Variants in VAV3 observed in about 807,000 individuals in gnomAD.
VAV3 encodes guanine nucleotide exchange factor VAV3.
Under a neutral mutation model 131.2 loss-of-function variants are expected in VAV3, and 94 were observed. That is an observed-to-expected ratio of 0.72 (90% confidence interval 0.61 to 0.85). The LOEUF is 0.85. VAV3 is among the 40% of genes least tolerant of loss of function. The pLI is 0.00. For synonymous variants in VAV3, 349 were observed against 342.0 expected (o/e 1.02, Z -0.22); for missense variants, 939 against 1,002.7 (o/e 0.94, Z 0.86).
At chr1:107,746,910 C>T (rs1182990119) in intron 15 of VAV3, among the ~76,000 whole-genome samples, 3 of 150,230 alleles carry the variant, frequency 2.0e-5, no homozygotes, top group African/African-American at 4.9e-5. Context: ...GACGGAGTCT[C>T]AGTCTAGTAC....
rs145827868 is a variant in VAV3 at position 107,624,015 on chromosome 1, A to G, written c.1915-6383T>C. On this transcript the variant is annotated intron_variant, in intron 20 of 26. Coordinates refer to ENST00000370056, the MANE Select transcript of VAV3 (RefSeq NM_006113.5). ...TAATTGCATCGAGTCATCAAAATAC[A>G]TGACAAAGGCTTCAATTATAGTTGA... Among the ~76,000 whole-genome samples, 147 of 152,326 alleles carry G rather than the reference A, an allele frequency of 9.7e-4. 1 individual carries two copies. Among genetic ancestry groups the G allele is most frequent in the African/African-American group, 3.4e-3 (143 of 41,580 alleles).
chr1:107,828,634 C>CCT (rs1054613859), intron 2 of VAV3, among the ~76,000 whole-genome samples: 4 of 152,180 alleles, frequency 2.6e-5, no homozygotes, highest in Non-Finnish European at 4.4e-5. Context: ...GACACATAGC[C>CCT]CTCTTCCTCC....
intron 15 of VAV3, among the ~76,000 whole-genome samples, chr1:107,732,273 G>A (rs765474375): frequency 3.9e-5 from 6 of 152,158 alleles, no homozygotes; most frequent in Non-Finnish European, 7.3e-5. Flanking sequence ...GAACAGCTCC[G>A]GTCTGCAGCT....
chr1:107,662,936 C>T (rs1279914166), intron 19 of VAV3, among the ~76,000 whole-genome samples: 3 of 152,292 alleles, frequency 2.0e-5, no homozygotes, highest in South Asian at 2.1e-4. Context: ...ACCTGCACAT[C>T]GACTTCTCGG....
At chr1:107,662,346 A>G (rs1308410139) in intron 19 of VAV3, among the ~76,000 whole-genome samples, 1 of 152,194 alleles carries the variant, frequency 6.6e-6, no homozygotes, top group Non-Finnish European at 1.5e-5. Flanking sequence ...TGCACAAAAG[A>G]ATACTGTCTC....
intron 2 of VAV3, among the ~76,000 whole-genome samples, chr1:107,801,918 T>A (rs1257807357): frequency 1.3e-5 from 2 of 152,136 alleles, no homozygotes; most frequent in African/African-American, 4.8e-5. Flanking sequence ...CCTCTTCAAT[T>A]TCTTTCGTCA....
At chr1:107,591,885 A>T (rs1296837492) in intron 25 of VAV3, among the ~76,000 whole-genome samples, 2 of 152,182 alleles carry the variant, frequency 1.3e-5, no homozygotes, top group African/African-American at 2.4e-5. Context: ...ATATAACCAC[A>T]GTACAATTAT....
chr1:107,818,703 A>T (rs2102352509), intron 2 of VAV3, among the ~76,000 whole-genome samples: 1 of 152,344 alleles, frequency 6.6e-6, no homozygotes, highest in African/African-American at 2.4e-5. Flanking sequence ...GGTATAAATA[A>T]TGTTTAAGAC....
chr1:107,912,958 A>G (rs567525968), intron 1 of VAV3, among the ~76,000 whole-genome samples: 2 of 152,340 alleles, frequency 1.3e-5, no homozygotes, highest in South Asian at 4.1e-4. Flanking sequence ...GGAAGTCAAC[A>G]TGCCTATTTC....
At chr1:107,640,495 T>C (rs575319596) in intron 20 of VAV3, among the ~76,000 whole-genome samples, 2 of 152,214 alleles carry the variant, frequency 1.3e-5, no homozygotes, top group African/African-American at 4.8e-5. Context: ...AGGAGCATGA[T>C]GGAGGGATTA....
At chr1:107,953,271 T>C (rs936982055) in intron 1 of VAV3, among the ~76,000 whole-genome samples, 4 of 152,194 alleles carry the variant, frequency 2.6e-5, no homozygotes, top group African/African-American at 9.7e-5. Context: ...TCCTGTCTCA[T>C]AGACATGAGG....
At chr1:107,814,585 G>C (rs926137519) in intron 2 of VAV3, among the ~76,000 whole-genome samples, 5 of 152,142 alleles carry the variant, frequency 3.3e-5, no homozygotes, top group African/African-American at 1.2e-4. Context: ...TCAACAAGCT[G>C]TCTCTTCACT....
chr1:107,956,396 C>T (rs148451025), intron 1 of VAV3, among the ~76,000 whole-genome samples: 79 of 152,246 alleles, frequency 5.2e-4, no homozygotes, highest in African/African-American at 1.9e-3. Flanking sequence ...GATTGAGAAT[C>T]CTCAGCAGCT....
chr1:107,684,094 T>A (rs775383468), intron 18 of VAV3, among the ~76,000 whole-genome samples: 4 of 152,214 alleles, frequency 2.6e-5, no homozygotes, highest in Non-Finnish European at 4.4e-5. Flanking sequence ...ACATGCAGCT[T>A]GTGAATCATA....
At position 107,575,545 on chromosome 1, in the gene VAV3, C is replaced by G. The variant is rs1333312337; in HGVS notation, c.2351-1347G>C. ...AAATAGGTCATTTTGTTTTACTGTT[C>G]AGGACACAAACCACTTTAATAGCTT... On this transcript the variant is annotated intron_variant, in intron 25 of 26. Coordinates refer to ENST00000370056, the MANE Select transcript of VAV3 (RefSeq NM_006113.5). Among the ~76,000 whole-genome samples the G allele has an allele frequency of 4.6e-5, 7 of 152,128 alleles. 1 individual carries two copies.
chr1:107,748,222 C>T (rs1462806862), intron 15 of VAV3, among the ~76,000 whole-genome samples: 5 of 152,098 alleles, frequency 3.3e-5, no homozygotes, highest in African/African-American at 1.2e-4. Context: ...TGTAGTTTTC[C>T]TTAATTTCCC....
At chr1:107,686,049 G>T (rs1365971319) in intron 18 of VAV3, 2 of 134,676 alleles carry the variant, frequency 1.5e-5, no homozygotes, top group African/African-American at 5.3e-5. Flanking sequence ...GGGGAGGGGG[G>T]GCAGGAACCA....
chr1:107,923,331 C>T (rs1330036243), intron 1 of VAV3, among the ~76,000 whole-genome samples: 1 of 152,026 alleles, frequency 6.6e-6, no homozygotes, highest in African/African-American at 2.4e-5. Context: ...GTGTCTTCCT[C>T]CCACCCTAAA....
intron 1 of VAV3, among the ~76,000 whole-genome samples, chr1:107,930,635 T>C (rs1163554212): frequency 1.3e-5 from 2 of 152,228 alleles, no homozygotes; most frequent in African/African-American, 4.8e-5. Flanking sequence ...ATGACATTTT[T>C]TTAACCACCA....
Sources: gnomAD v4.1 joint callset for allele counts (sites outside exome capture counted in the v4.1 genomes callset) on GRCh38, gnomAD v4.1.1 for gene constraint, MANE v1.5 for transcripts, NCBI Gene and HGNC (gene_info 2026-07-23, HGNC 2026-07-21) for gene names.